The following CHKA variants were observed in gnomAD, a reference collection of about 807,000 sequenced individuals.
The protein encoded by CHKA is choline kinase alpha.
In CHKA, 34 loss-of-function variants were observed where a neutral mutation model predicts 60.1. The observed-to-expected ratio is 0.57, with a 90% confidence interval of 0.43 to 0.75. CHKA has a LOEUF of 0.75. Among genes scored for constraint, CHKA ranks in the 30% least tolerant of loss-of-function variants. The pLI, the probability that CHKA is intolerant of heterozygous loss-of-function variation, is 0.00. For synonymous variants in CHKA, 217 were observed against 223.1 expected, an observed-to-expected ratio of 0.97 and a Z score of 0.24; for missense variants, 563 against 561.3, an observed-to-expected ratio of 1.00 and a Z score of -0.03.
At chr11:68,113,345 T>C (rs564052994) in intron 1 of CHKA, among the ~76,000 whole-genome samples, 2 of 152,182 alleles carry the variant, frequency 1.3e-5, no homozygotes, top group African/African-American at 4.8e-5. Flanking sequence ...GATATACAGA[T>C]AGCAAATAAG....
intron 2 of CHKA, among the ~76,000 whole-genome samples, chr11:68,082,979 T>C (rs772514992): frequency 6.6e-6 from 1 of 152,232 alleles, no homozygotes; most frequent in African/African-American, 2.4e-5. Flanking sequence ...TGCGATGTGG[T>C]AGGCGCTGGA....
chr11:68,073,263 C>T (rs930671471), intron 4 of CHKA, among the ~76,000 whole-genome samples: 1 of 152,186 alleles, frequency 6.6e-6, no homozygotes, highest in Non-Finnish European at 1.5e-5. Flanking sequence ...CTTACAGTCT[C>T]CTGCAGTTTG....
At chr11:68,068,777 C>T (rs910331428) in intron 7 of CHKA, 102 bp downstream of exon 7, 3 of 742,464 alleles carry the variant, frequency 4.0e-6, no homozygotes, top group Admixed American at 2.0e-5. Context: ...CTTTAATGTA[C>T]CTAATACTCT....
intron 2 of CHKA, 27 bp downstream of exon 2, chr11:68,096,992 C>A (rs751213726): frequency 3.3e-6 from 5 of 1,512,158 alleles, no homozygotes; most frequent in Admixed American, 1.7e-5. Flanking sequence ...CAGGATCCCC[C>A]CCTCCCAAAG....
At chr11:68,097,863 G>A (rs1857565469) in intron 1 of CHKA, among the ~76,000 whole-genome samples, 1 of 152,120 alleles carries the variant, frequency 6.6e-6, no homozygotes, top group African/African-American at 2.4e-5. Context: ...CAAGTAAGTA[G>A]CTAAGCAAGG....
chr11:68,105,514 CAAAAAA>C (rs1170085830), intron 1 of CHKA, among the ~76,000 whole-genome samples: 4 of 64,952 alleles, frequency 6.2e-5, no homozygotes, highest in African/African-American at 1.8e-4. Context: ...GACTCCATCT[CAAAAAA>C]AAAAAAAAAA....
intron 6 of CHKA, among the ~76,000 whole-genome samples, chr11:68,069,418 G>A (rs1261227842): frequency 6.6e-6 from 1 of 152,162 alleles, no homozygotes; most frequent in Non-Finnish European, 1.5e-5. Flanking sequence ...TGGGTGTGGT[G>A]GCTCGCGCCT....
chr11:68,086,889 G>A (rs1857197090), intron 2 of CHKA, among the ~76,000 whole-genome samples: 1 of 152,206 alleles, frequency 6.6e-6, no homozygotes, highest in South Asian at 2.1e-4. Context: ...GGGAGGCTGA[G>A]GCAGGAGAAT....
In CHKA at chr11:68,120,847, A is replaced by G; in HGVS notation, c.331T>C (p.Phe111Leu). The stretch of plus-strand genomic sequence containing the variant: ...ACCGACCTGATGACACTGATGTGGA[A>G]CTCGTCCTCGCGGAGGCCCCGCCAG... ...GAWRGLREDEFHISVIRGGLS... is the reference protein window; with the variant it reads ...GAWRGLREDELHISVIRGGLS... The change falls in exon 1 of 12, where the codon TTC becomes CTC. Residue 111 changes from phenylalanine to leucine, a missense_variant. Transcript: ENST00000265689. The G allele has an allele frequency of 7.5e-7, 1 of 1,334,828 alleles. No individual in the cohort carries two copies. The highest frequency in any genetic ancestry group is 9.7e-7 in the Non-Finnish European group (1 of 1,026,660). The allele number at this position is 1,334,828 out of a possible 1,614,324, so 82.7% of individuals were successfully genotyped here.
At chr11:68,054,111 T>TC (rs35356476) in intron 11 of CHKA, 64 bp from the exon 12 acceptor site, 3 of 1,358,562 alleles carry the variant, frequency 2.2e-6, no homozygotes, top group African/African-American at 1.4e-5. Context: ...TGCCCATGTG[T>TC]CCCCCAATCC....
At chr11:68,066,001 T>C in intron 8 of CHKA, 107 bp from the exon 9 acceptor site, 1 of 715,772 alleles carries the variant, frequency 1.4e-6, no homozygotes, top group Non-Finnish European at 2.4e-6. Context: ...CCACTCCTGT[T>C]GCCATCTGGA....
rs11228134 is a variant in CHKA, at chr11:68,105,811, G to A, written c.351-8681C>T. Among the ~76,000 whole-genome samples the A allele has an allele frequency of 2.7e-4, 41 of 152,270 alleles. No homozygotes were observed. The East Asian group carries it at 7.3e-3, about 27-fold the overall frequency. The stretch of plus-strand genomic sequence containing the variant: ...AAGCAAAAAAGCCACTGAAAGCTCC[G>A]CAAACTGTCTACAAGTCACAGGGTA... On this transcript the variant is annotated intron_variant, in intron 1 of 11. Transcript: ENST00000265689.
chr11:68,080,591 C>T (rs1029488281), intron 3 of CHKA, among the ~76,000 whole-genome samples: 2 of 152,206 alleles, frequency 1.3e-5, no homozygotes, highest in African/African-American at 4.8e-5. Context: ...CATGATCCAC[C>T]TGCCTCAGCC....
At chr11:68,112,294 C>T (rs1224598361) in intron 1 of CHKA, among the ~76,000 whole-genome samples, 1 of 52 alleles carries the variant, frequency 0.019, no homozygotes, top group East Asian at 0.17. Flanking sequence ...TCACTCTTGT[C>T]GCAACAGTCT....
rs114969023 is a variant in CHKA, at chr11:68,115,412, T to C, written c.350+5416A>G. ...TGGACTCTGAGTGATAATATGTCAA[T>C]GTAGGTTCCTCAGTTGTAACAAATG... On this transcript the variant is annotated intron_variant, in intron 1 of 11. Coordinates refer to ENST00000265689, the MANE Select transcript of CHKA (RefSeq NM_001277.3). Among the ~76,000 whole-genome samples, 901 of 152,280 alleles carry C rather than the reference T, an allele frequency of 5.9e-3. 5 individuals carry two copies. Among genetic ancestry groups the C allele is most frequent in the African/African-American group, 0.018 (730 of 41,568 alleles).
intron 3 of CHKA, among the ~76,000 whole-genome samples, chr11:68,077,067 G>A: frequency 6.6e-6 from 1 of 152,094 alleles, no homozygotes; most frequent in Non-Finnish European, 1.5e-5. Flanking sequence ...GTGAAACCCT[G>A]TCTCTACCAA....
chr11:68,072,137 T>G (rs1021440347), intron 4 of CHKA, among the ~76,000 whole-genome samples: 1 of 152,082 alleles, frequency 6.6e-6, no homozygotes, highest in Non-Finnish European at 1.5e-5. Flanking sequence ...CCTTCCCCAG[T>G]AGAGAAAGAG....
chr11:68,093,552 T>C (rs1253525065), intron 2 of CHKA, among the ~76,000 whole-genome samples: 1 of 152,252 alleles, frequency 6.6e-6, no homozygotes, highest in Non-Finnish European at 1.5e-5. Flanking sequence ...TACTTAATAG[T>C]CTTTTTTCTT....
intron 2 of CHKA, among the ~76,000 whole-genome samples, chr11:68,093,364 C>T (rs1857410433): frequency 6.6e-6 from 1 of 152,114 alleles, no homozygotes; most frequent in Non-Finnish European, 1.5e-5. Context: ...GTAGATATAG[C>T]TTCAGGAATG....
Sources: gnomAD v4.1 joint callset for allele counts (sites outside exome capture counted in the v4.1 genomes callset) on GRCh38, gnomAD v4.1.1 for gene constraint, MANE v1.5 for transcripts, NCBI Gene and HGNC (gene_info 2026-07-23, HGNC 2026-07-21) for gene names.